RGMB: variants seen among roughly 807,000 people sequenced by gnomAD.
RGMB encodes repulsive guidance molecule BMP co-receptor b.
A neutral mutation model predicts 26.9 loss-of-function variants in RGMB; 16 were observed. The observed-to-expected ratio is 0.60, with a 90% CI of 0.40 to 0.90. The LOEUF (loss-of-function observed/expected upper bound fraction) is 0.90. Among genes scored for constraint, RGMB ranks in the 40% least tolerant of loss-of-function variants. RGMB has a pLI of 0.00. For missense variants in RGMB, 512 were observed against 573.3 expected (o/e 0.89, Z 1.09); for synonymous variants, 225 against 229.3 (o/e 0.98, Z 0.17).
Position 98,793,245 on chromosome 5 carries a change from T to C in RGMB, c.806T>C (p.Val269Ala), listed in dbSNP as rs772825460. Residue 269 changes from valine to alanine, a missense_variant, in exon 3 of 3, where the codon GTG becomes GCG. Transcript: ENST00000513185. ...GTGGAAAGGGAGAGTGGCCACTATG[T>C]GGAGATGCACGCCCGCTATATAGGG... ...RIVERESGHY[V>A]EMHARYIGTT... The C allele has an allele frequency of 6.2e-7, 1 of 1,613,884 alleles. No individual in the cohort carries two copies.
Position 98,793,761 on chromosome 5 carries a change from CTTTTG to C in RGMB, c.*14_*18del, listed in dbSNP as rs773238301. On this transcript the variant is annotated 3_prime_UTR_variant, in exon 3 of 3. Transcript: ENST00000513185. ...CTTATCGTGTTTTTGTAGGGGTTGT[CTTTTG>C]TTTTGGTTTTTTATTTTTTGTCTAT... is the stretch of plus-strand genomic sequence containing the variant. The C allele has an allele frequency of 6.6e-7, 1 of 1,515,386 alleles. No individual in the cohort carries two copies. Among genetic ancestry groups the C allele is most frequent in the Non-Finnish European group, 8.8e-7 (1 of 1,133,374 alleles). 93.9% of individuals were successfully genotyped at this position (1,515,386 alleles called of 1,614,324 possible).
At chr5:98,782,412 G>A (rs1746637099) in intron 2 of RGMB, among the ~76,000 whole-genome samples, 1 of 152,148 alleles carries the variant, frequency 6.6e-6, no homozygotes, top group African/African-American at 2.4e-5. Flanking sequence ...TATAAAATAA[G>A]TTCTAAACAA....
chr5:98,793,033 C>A, intron 2 of RGMB, 52 bp from the exon 3 acceptor site: 1 of 1,442,742 alleles, frequency 6.9e-7, no homozygotes, highest in Non-Finnish European at 9.4e-7. Context: ...AGGGTTACCC[C>A]GTTCTGCTTC....
chr5:98,777,311 CGGG>C (rs2112344741), intron 1 of RGMB, among the ~76,000 whole-genome samples: 1 of 152,252 alleles, frequency 6.6e-6, no homozygotes, highest in Admixed American at 6.5e-5. Flanking sequence ...GCAAGTTTAG[CGGG>C]AAGTTCTTGT....
chr5:98,786,843 T>G (rs572061563), intron 2 of RGMB, among the ~76,000 whole-genome samples: 1 of 152,216 alleles, frequency 6.6e-6, no homozygotes, highest in Admixed American at 6.5e-5. Flanking sequence ...GAAGTTTAGG[T>G]GAAACTGGTT....
intron 2 of RGMB, among the ~76,000 whole-genome samples, chr5:98,785,949 G>A (rs1336713557): frequency 6.6e-6 from 1 of 152,172 alleles, no homozygotes; most frequent in Non-Finnish European, 1.5e-5. Flanking sequence ...TATCATTTCA[G>A]TAAATTGCCT....
chr5:98,793,409 G>C lies in RGMB; in HGVS notation c.970G>C (p.Asp324His). The C allele has an allele frequency of 1.9e-6, 3 of 1,612,760 alleles. No individual in the cohort carries two copies. In the South Asian group the frequency reaches 3.3e-5, roughly 18 times the overall value. ...CTGCCCCCTGAGTGAACGCATCGAT[G>C]ACGGGCAGGGCCAGGTGTCTGCCAT... The part of the protein sequence containing the change: ...NGCPLSERID[D>H]GQGQVSAILG... The change falls in exon 3 of 3, where the codon GAC (aspartate) becomes CAC (histidine). Residue 324 changes from aspartate (D) to histidine (H), a missense_variant. By Grantham distance (81) the Asp-to-His change is moderately conservative (BLOSUM62 -1). Coordinates refer to ENST00000513185, the MANE Select transcript of RGMB (RefSeq NM_001366508.1).
upstream of RGMB, chr5:98,771,324 TTG>T (rs1407206848): frequency 2.0e-5 from 3 of 152,184 alleles, no homozygotes; most frequent in Non-Finnish European, 4.4e-5. Context: ...ATTTTTTTGT[TTG>T]TGTTCTAGCT....
chr5:98,771,842 G>A (rs1244806229), upstream of RGMB: 1 of 152,144 alleles, frequency 6.6e-6, no homozygotes, highest in East Asian at 1.9e-4. Context: ...AAACCAAACA[G>A]AAATTATTGA....
intron 2 of RGMB, among the ~76,000 whole-genome samples, chr5:98,789,168 T>C (rs1216881317): frequency 6.6e-6 from 1 of 152,230 alleles, no homozygotes; most frequent in Non-Finnish European, 1.5e-5. Context: ...CTCTTCAGTT[T>C]AGTTTACTGA....
At chr5:98,792,846 TAA>T (rs1249132922) in intron 2 of RGMB, 1 of 349,008 alleles carries the variant, frequency 2.9e-6, no homozygotes, top group African/African-American at 2.1e-5. Flanking sequence ...CTTAGGAAAG[TAA>T]AAAAGTTTTG....
intron 2 of RGMB, among the ~76,000 whole-genome samples, chr5:98,784,848 T>G (rs955267844): frequency 1.3e-5 from 2 of 152,170 alleles, no homozygotes; most frequent in African/African-American, 2.4e-5. Context: ...CTATGGACAC[T>G]GTTCTTGCAT....
At chr5:98,770,327 A>C, upstream of RGMB, 2 of 319,962 alleles carry the variant, frequency 6.3e-6, no homozygotes, top group Non-Finnish European at 5.6e-6. Flanking sequence ...GTGGCTGGCT[A>C]ATGAGAGGTT....
intron 2 of RGMB, among the ~76,000 whole-genome samples, chr5:98,782,619 G>A (rs573976036): frequency 1.3e-5 from 2 of 152,156 alleles, no homozygotes; most frequent in African/African-American, 2.4e-5. Context: ...CACGTGCTCA[G>A]TGCCACTAGA....
Position 98,774,226 on chromosome 5 carries a change from G to T in RGMB, c.136+20G>T, listed in dbSNP as rs1746304839. On this transcript the variant is annotated intron_variant, in intron 1 of 2. Coordinates refer to ENST00000513185, the MANE Select transcript of RGMB (RefSeq NM_001366508.1). The stretch of plus-strand genomic sequence containing the variant: ...ACGCAGGTAGGACGGGAGCGCGCGA[G>T]GGGAGCCAGCCCCGGGGCCTAGGGC... 1.0e-5 allele frequency: 14 copies of T among 1,404,094 alleles called. No individual in the cohort carries two copies. Among genetic ancestry groups the T allele is most frequent in the Non-Finnish European group, 1.3e-5 (14 of 1,085,844 alleles). 87.0% of individuals were successfully genotyped at this position (1,404,094 alleles called of 1,614,324 possible).
At chr5:98,788,619 C>T (rs1746832945) in intron 2 of RGMB, among the ~76,000 whole-genome samples, 1 of 152,148 alleles carries the variant, frequency 6.6e-6, no homozygotes, top group Non-Finnish European at 1.5e-5. Context: ...GGGACAGTTG[C>T]CACCCCGCGT....
chr5:98,774,156 C>CGCTGGAGCT lies in RGMB; in HGVS notation c.91_99dup (p.Glu31_Leu33dup), dbSNP rs1746300009. On this transcript the variant is annotated inframe_insertion, in exon 1 of 3. Coordinates refer to ENST00000513185, the MANE Select transcript of RGMB (RefSeq NM_001366508.1). ...CGCAGCCCCGGGCTCTGCCCCCCGCCGCTGGAGCTGCTGCTGCTGCTGCTG... is the reference window on the plus strand; with the variant it reads ...CGCAGCCCCGGGCTCTGCCCCCCGCCGCTGGAGCTGCTGGAGCTGCTGCTGCTGCTGCTG... The CGCTGGAGCT allele has an allele frequency of 8.7e-6, 13 of 1,498,210 alleles. No homozygotes were observed. Among genetic ancestry groups the CGCTGGAGCT allele is most frequent in the Non-Finnish European group, 1.2e-5 (13 of 1,130,254 alleles). 92.8% of individuals were successfully genotyped at this position (1,498,210 alleles called of 1,614,324 possible).
chr5:98,781,502 TATAAG>T (rs1408637282), intron 2 of RGMB, among the ~76,000 whole-genome samples: 2 of 152,198 alleles, frequency 1.3e-5, no homozygotes, highest in African/African-American at 2.4e-5. Flanking sequence ...ATTATGAAGT[TATAAG>T]AGAAACGATG....
chr5:98,779,182 T>C (rs1002751147), intron 1 of RGMB, among the ~76,000 whole-genome samples: 2 of 152,234 alleles, frequency 1.3e-5, no homozygotes, highest in Non-Finnish European at 2.9e-5. Context: ...AAGGAAGTTA[T>C]GCAATTTTGG....
Sources: gnomAD v4.1 joint callset for allele counts (sites outside exome capture counted in the v4.1 genomes callset) on GRCh38, gnomAD v4.1.1 for gene constraint, MANE v1.5 for transcripts, NCBI Gene and HGNC (gene_info 2026-07-23, HGNC 2026-07-21) for gene names.